The following TNS3 variants were observed in gnomAD, a reference collection of about 807,000 sequenced individuals.
TNS3 encodes the protein tensin-3.
Under a neutral mutation model 140.9 loss-of-function variants are expected in TNS3, and 45 were observed. The ratio of observed to expected loss-of-function variants is 0.32; its 90% CI spans 0.25 to 0.41. TNS3 has a LOEUF of 0.41. Among genes scored for constraint, TNS3 ranks in the 10% least tolerant of loss-of-function variants. The probability of loss-of-function intolerance (pLI) is 1.00; values close to 1 mark genes in which losing one functional copy is unlikely to be tolerated. For missense variants in TNS3, 1,716 were observed against 1,906.7 expected (o/e 0.90, Z 1.86); for synonymous variants, 815 against 788.4 (o/e 1.03, Z -0.56).
chr7:47,407,569 T>C lies in TNS3; in HGVS notation c.723+4158A>G, dbSNP rs1793518809. ...ATCTTACTAAACTTTCTAGGAGAGGTTTATTTAATAAACAGACTTGTTACA... is the reference window on the plus strand; with the variant it reads ...ATCTTACTAAACTTTCTAGGAGAGGCTTATTTAATAAACAGACTTGTTACA... On this transcript the variant is annotated intron_variant, in intron 13 of 30. Coordinates refer to ENST00000311160, the MANE Select transcript of TNS3 (RefSeq NM_022748.12). This position sits in a 1 kb window ranked among gnomAD's most constrained non-coding sequence, Gnocchi z 4.1. Among the ~76,000 whole-genome samples, 1 of 152,054 alleles carries C rather than the reference T, an allele frequency of 6.6e-6. No homozygotes were observed. The highest frequency in any genetic ancestry group is 2.4e-5 in the African/African-American group (1 of 41,392).
chr7:47,539,338 CA>C, intron 1 of TNS3: 1 of 345,484 alleles, frequency 2.9e-6, no homozygotes, highest in Admixed American at 3.8e-5. Flanking sequence ...AAAACTCCCA[CA>C]CTTCGTTACT....
rs370219129 is a variant in TNS3, at chr7:47,436,139, G to A, written c.202-735C>T. ...AATTTCAGAAAGTTGCCAGGAAGTA[G>A]GAAAAGTCACTACCCCTGCCACCAC... On this transcript the variant is annotated intron_variant, in intron 7 of 30. Transcript: ENST00000311160. 2.6e-5 allele frequency among the ~76,000 whole-genome samples: 4 copies of A among 152,268 alleles called. No homozygotes were observed. In the South Asian group the frequency reaches 6.2e-4, roughly 24 times the overall value.
Position 47,400,878 on chromosome 7 carries a change from G to A in TNS3, c.760C>T (p.Arg254Cys), listed in dbSNP as rs763750113. 18 of 1,614,110 alleles carry A rather than the reference G, an allele frequency of 1.1e-5. No individual in the cohort carries two copies. The highest frequency in any genetic ancestry group is 3.3e-5 in the South Asian group (3 of 91,084). ...CYHKKYRSAT[R>C]DVIFRLQFHT... Reference sequence around the variant, plus strand: ...AACTGCAGGCGGAAAATGACGTCACGGGTGGCCGAGCGGTATTTCTTGTGG... The same window carrying A: ...AACTGCAGGCGGAAAATGACGTCACAGGTGGCCGAGCGGTATTTCTTGTGG... Residue 254 changes from arginine (R) to cysteine (C), a missense_variant, in exon 14 of 31, where the codon CGT becomes TGT. Physicochemically the swap from Arg to Cys is radical, Grantham distance 180. Coordinates refer to ENST00000311160, the MANE Select transcript of TNS3 (RefSeq NM_022748.12).
chr7:47,575,014 C>A (rs189429437), intron 1 of TNS3, among the ~76,000 whole-genome samples: 1 of 152,214 alleles, frequency 6.6e-6, no homozygotes, highest in East Asian at 1.9e-4. Flanking sequence ...CGACAAAGTT[C>A]ATGTTATGCA....
At chr7:47,468,064 C>T (rs1218809376) in intron 4 of TNS3, among the ~76,000 whole-genome samples, 1 of 152,112 alleles carries the variant, frequency 6.6e-6, no homozygotes, top group Non-Finnish European at 1.5e-5. Context: ...AAAATCAGCA[C>T]TTTGAGAGCC....
intron 20 of TNS3, among the ~76,000 whole-genome samples, chr7:47,312,927 G>T (rs1379320014): frequency 6.6e-6 from 1 of 152,106 alleles, no homozygotes; most frequent in African/African-American, 2.4e-5. Flanking sequence ...TCTTTGCTGG[G>T]CACCAGTTTT....
chr7:47,474,203 A>G (rs1278175048), intron 4 of TNS3, among the ~76,000 whole-genome samples: 2 of 150,986 alleles, frequency 1.3e-5, no homozygotes, highest in Non-Finnish European at 1.5e-5. Context: ...AACAGCACAC[A>G]AAAAACACCT....
intron 20 of TNS3, among the ~76,000 whole-genome samples, chr7:47,319,750 C>T (rs1386985530): frequency 2.0e-5 from 3 of 152,326 alleles, no homozygotes; most frequent in Non-Finnish European, 4.4e-5. Flanking sequence ...ACCCCTGTGG[C>T]ACTCGGGGCA....
rs560289038 is a variant in TNS3, at chr7:47,454,180, G to A, written c.-75-12125C>T. 4.6e-5 allele frequency among the ~76,000 whole-genome samples: 7 copies of A among 152,216 alleles called. No individual in the cohort carries two copies. The East Asian group carries it at 1.2e-3, about 25-fold the overall frequency. ...GAAACCACGTGGTGTCTCCTTCCAG[G>A]CTGAACACAAACAGGGGGCCCCAGT... On this transcript the variant is annotated intron_variant, in intron 4 of 30. Coordinates refer to ENST00000311160, the MANE Select transcript of TNS3 (RefSeq NM_022748.12).
intron 16 of TNS3, among the ~76,000 whole-genome samples, chr7:47,385,938 T>C (rs1243294179): frequency 6.6e-6 from 1 of 152,206 alleles, no homozygotes; most frequent in Non-Finnish European, 1.5e-5. Flanking sequence ...AATCTTGCTA[T>C]TGCTCTAACC....
At chr7:47,570,875 T>C (rs547020087) in intron 1 of TNS3, among the ~76,000 whole-genome samples, 16 of 152,258 alleles carry the variant, frequency 1.1e-4, no homozygotes, top group Admixed American at 1.0e-3. Context: ...GGAATTCAGA[T>C]TTAATGAGGA....
chr7:47,322,213 C>CAAAAAAAAAAAAAAAAAAAAAAAA (rs759875153), intron 20 of TNS3, among the ~76,000 whole-genome samples: 1 of 49,920 alleles, frequency 2.0e-5, no homozygotes, highest in Non-Finnish European at 3.7e-5. Context: ...GTAGAACGGG[C>CAAAAAAAAAAAAAAAAAAAAAAAA]AAAAAAAAAA....
At chr7:47,285,481 T>C (rs1008104414) in intron 27 of TNS3, among the ~76,000 whole-genome samples, 39 of 152,200 alleles carry the variant, frequency 2.6e-4, no homozygotes, top group African/African-American at 8.9e-4. Context: ...GCACATACTC[T>C]CTTGCCTGCC....
intron 4 of TNS3, among the ~76,000 whole-genome samples, chr7:47,473,781 T>TA (rs1221857650): frequency 6.6e-6 from 1 of 152,210 alleles, no homozygotes; most frequent in Non-Finnish European, 1.5e-5. Context: ...CTCAGCTCAC[T>TA]AAGCCCCACA....
chr7:47,572,434 G>A (rs1419322884), intron 1 of TNS3, among the ~76,000 whole-genome samples: 1 of 152,232 alleles, frequency 6.6e-6, no homozygotes, highest in African/African-American at 2.4e-5. Context: ...TGTGAGAAGA[G>A]TGAGCCTTTA....
chr7:47,462,062 T>C (rs1796512764), intron 4 of TNS3, among the ~76,000 whole-genome samples: 1 of 152,228 alleles, frequency 6.6e-6, no homozygotes, highest in South Asian at 2.1e-4. Flanking sequence ...TGGCTACTTT[T>C]ACCGGTTTTC....
chr7:47,444,005 A>C (rs1051620712), intron 4 of TNS3, among the ~76,000 whole-genome samples: 1 of 152,234 alleles, frequency 6.6e-6, no homozygotes, highest in Admixed American at 6.5e-5. Context: ...CCGAAAAGGT[A>C]AGGAAATGAT....
At chr7:47,464,050 C>A (rs529929519) in intron 4 of TNS3, among the ~76,000 whole-genome samples, 1 of 152,310 alleles carries the variant, frequency 6.6e-6, no homozygotes, top group African/African-American at 2.4e-5. Flanking sequence ...GACTCTACTT[C>A]TTCATCCCTA....
intron 3 of TNS3, among the ~76,000 whole-genome samples, chr7:47,490,141 G>A (rs1400508638): frequency 6.6e-6 from 1 of 152,182 alleles, no homozygotes; most frequent in Non-Finnish European, 1.5e-5. Context: ...GCATTATAAT[G>A]CCAAGGACCA....
Sources: allele counts gnomAD v4.1 joint callset (sites outside exome capture counted in the v4.1 genomes callset), GRCh38; gene constraint gnomAD v4.1.1; non-coding constraint Gnocchi (gnomAD v3.1); transcripts MANE v1.5; gene names NCBI Gene and HGNC (gene_info 2026-07-23, HGNC 2026-07-21).